MYO5C: variants seen among roughly 807,000 people sequenced by gnomAD.
MYO5C encodes the protein unconventional myosin-Vc.
Under a neutral mutation model 235.7 loss-of-function variants are expected in MYO5C, and 194 were observed. The ratio of observed to expected loss-of-function variants is 0.82; its 90% CI spans 0.73 to 0.93. MYO5C has a LOEUF of 0.93. Ranked by LOEUF, MYO5C falls within the 40% of genes least tolerant of loss-of-function variation. The probability of loss-of-function intolerance (pLI) is 0.00; values close to 1 mark genes in which losing one functional copy is unlikely to be tolerated. For missense variants in MYO5C, 2,038 were observed against 2,127.2 expected (o/e 0.96, Z 0.82); for synonymous variants, 707 against 754.8 (o/e 0.94, Z 1.04).
At chr15:52,269,386 A>ATT (rs71130145) in intron 8 of MYO5C, among the ~76,000 whole-genome samples, 1,663 of 103,278 alleles carry the variant, frequency 0.016, 53 homozygotes, top group East Asian at 0.087. Context: ...CCACCTTTTA[A>ATT]TTTTTTTTTT....
intron 25 of MYO5C, among the ~76,000 whole-genome samples, chr15:52,227,363 T>G (rs1301849611): frequency 7.2e-6 from 1 of 138,812 alleles, no homozygotes; most frequent in African/African-American, 2.6e-5. Flanking sequence ...CCCGGCTAAT[T>G]TTTTTTTTTT....
intron 8 of MYO5C, among the ~76,000 whole-genome samples, chr15:52,268,693 T>A (rs2036860799): frequency 6.6e-6 from 1 of 152,190 alleles, no homozygotes; most frequent in African/African-American, 2.4e-5. Context: ...CACCATCTGG[T>A]AGACAGCCTT....
intron 31 of MYO5C, 31 bp from the exon 32 acceptor site, chr15:52,218,718 C>T (rs1346292826): frequency 1.9e-6 from 3 of 1,610,384 alleles, no homozygotes; most frequent in Non-Finnish European, 1.7e-6. Context: ...TGGCTGGTAT[C>T]AGTATGACGG....
intron 9 of MYO5C, among the ~76,000 whole-genome samples, chr15:52,262,680 G>A (rs1001691143): frequency 3.9e-5 from 6 of 152,162 alleles, no homozygotes; most frequent in African/African-American, 1.4e-4. Context: ...CATGGCAAAA[G>A]GCCTAAAACG....
In MYO5C at chr15:52,223,543, C is replaced by A. The variant is rs774584883; in HGVS notation, c.3627+1G>T. On this transcript the variant is annotated splice_donor_variant, in intron 29 of 40. Coordinates refer to ENST00000261839, the MANE Select transcript of MYO5C (RefSeq NM_018728.4). LOFTEE classifies it high-confidence loss of function. ...ACTGGGGCCCCTGGCTGAGACCATACCATGTTCTCTGATGTTAGCCTGGTA... is the reference window on the plus strand; with the variant it reads ...ACTGGGGCCCCTGGCTGAGACCATAACATGTTCTCTGATGTTAGCCTGGTA... The A allele has an allele frequency of 1.9e-6, 3 of 1,613,022 alleles. No homozygotes were observed. In the Admixed American group the frequency reaches 5.0e-5, roughly 27 times the overall value.
chr15:52,235,779 G>T lies in MYO5C; in HGVS notation c.2869-16C>A, dbSNP rs1392110241. 2 of 1,580,284 alleles carry T rather than the reference G, an allele frequency of 1.3e-6. No homozygotes were observed. The highest frequency in any genetic ancestry group is 1.7e-6 in the Non-Finnish European group (2 of 1,160,158). On this transcript the variant is annotated splice_polypyrimidine_tract_variant and intron_variant, in intron 22 of 40. Transcript: ENST00000261839. ...TTGCCAATTTCTAGCAGAGGGAAGG[G>T]GGAAAAACAAACTTTTTTGAAAACC... is the stretch of plus-strand genomic sequence containing the variant.
rs747628388 is a variant in MYO5C at position 52,205,100 on chromosome 15, T to TCAGGCCGGAAATGCCCTGCAGGCTC, written c.4560_4584dup (p.Lys1529GlufsTer19). On this transcript the variant is annotated frameshift_variant, in exon 38 of 41. Coordinates refer to ENST00000261839, the MANE Select transcript of MYO5C (RefSeq NM_018728.4). LOFTEE classifies it high-confidence loss of function. ...GAGCGCTTCCGGAAGCCTGTGGGCT[T>TCAGGCCGGAAATGCCCTGCAGGCTC]CAGGCCGGAAATGCCCTGCAGGCTC... 1.2e-6 allele frequency: 2 copies of TCAGGCCGGAAATGCCCTGCAGGCTC among 1,614,184 alleles called. No homozygotes were observed. The highest frequency in any genetic ancestry group is 4.5e-5 in the East Asian group (2 of 44,876).
chr15:52,213,406 A>G (rs1015345878), intron 33 of MYO5C, 120 bp from the exon 34 acceptor site: 2 of 688,000 alleles, frequency 2.9e-6, no homozygotes, highest in African/African-American at 1.8e-5. Flanking sequence ...TGGCTTTCAG[A>G]TACATTAAAA....
chr15:52,286,530 C>A (rs1336604482), intron 1 of MYO5C, among the ~76,000 whole-genome samples: 2 of 152,076 alleles, frequency 1.3e-5, no homozygotes, highest in African/African-American at 4.8e-5. Flanking sequence ...ATTGAGAAAT[C>A]GGATGGTTGC....
intron 2 of MYO5C, among the ~76,000 whole-genome samples, chr15:52,281,103 T>C (rs1316869268): frequency 6.6e-6 from 1 of 152,252 alleles, no homozygotes. Flanking sequence ...ACTTTCCTTG[T>C]CTCTGTTTTT....
intron 19 of MYO5C, chr15:52,243,491 C>G (rs532424088): frequency 6.6e-6 from 1 of 152,462 alleles, no homozygotes; most frequent in Admixed American, 6.5e-5. Flanking sequence ...GAGGGCAAGC[C>G]AGCCCAGCTG....
At position 52,197,698 on chromosome 15, in the gene MYO5C, C is replaced by T. The variant is rs116477782; in HGVS notation, c.4821-1215G>A. Among the ~76,000 whole-genome samples, 455 of 152,282 alleles carry T rather than the reference C, an allele frequency of 3.0e-3. 5 individuals carry two copies. The highest frequency in any genetic ancestry group is 0.01 in the African/African-American group (435 of 41,560). ...CCAGGCGGGAGTACAGTGGCCCAATCTCATGAGGCTCACTGCAACTTCCAC... is the reference window on the plus strand; with the variant it reads ...CCAGGCGGGAGTACAGTGGCCCAATTTCATGAGGCTCACTGCAACTTCCAC... On this transcript the variant is annotated intron_variant, in intron 38 of 40. Transcript: ENST00000261839.
In MYO5C at chr15:52,221,156, A is replaced by C; in HGVS notation, c.3721+6T>G. The C allele has an allele frequency of 6.2e-7, 1 of 1,606,586 alleles. No individual in the cohort carries two copies. The highest frequency in any genetic ancestry group is 2.2e-5 in the East Asian group (1 of 44,836). The stretch of plus-strand genomic sequence containing the variant: ...CTAAAAGCAGGTTAATGAGGGTTTC[A>C]GTTACCTTTCATTTTCTCAGCTTGT... On this transcript the variant is annotated splice_donor_region_variant and intron_variant, in intron 30 of 40. Coordinates refer to ENST00000261839, the MANE Select transcript of MYO5C (RefSeq NM_018728.4).
intron 36 of MYO5C, 23 bp downstream of exon 36, chr15:52,208,531 A>G (rs775157950): frequency 1.9e-6 from 3 of 1,610,552 alleles, no homozygotes; most frequent in Non-Finnish European, 2.5e-6. Context: ...GCACAAAACA[A>G]CAAGCAGGTG....
intron 8 of MYO5C, among the ~76,000 whole-genome samples, chr15:52,267,874 T>C (rs2140837771): frequency 6.6e-6 from 1 of 152,210 alleles, no homozygotes; most frequent in South Asian, 2.1e-4. Flanking sequence ...GCAGGGCATA[T>C]CCTTCAGCCC....
chr15:52,254,210 G>A (rs943896504), intron 11 of MYO5C, among the ~76,000 whole-genome samples: 1 of 152,208 alleles, frequency 6.6e-6, no homozygotes, highest in Non-Finnish European at 1.5e-5. Context: ...CCTTTTTCTA[G>A]GAGCAGTGAG....
chr15:52,279,074 T>TA, intron 3 of MYO5C, 57 bp from the exon 4 acceptor site: 1 of 1,003,248 alleles, frequency 1.0e-6, no homozygotes, highest in East Asian at 3.4e-5. Flanking sequence ...GCATCTCCAG[T>TA]TTTTTTTTTT....
intron 32 of MYO5C, among the ~76,000 whole-genome samples, chr15:52,216,528 T>C (rs74580520): frequency 0.019 from 2,953 of 152,278 alleles, 102 homozygotes; most frequent in African/African-American, 0.069. Context: ...CTCTGTTAAT[T>C]TGACAGGCAA....
intron 16 of MYO5C, 88 bp downstream of exon 16, chr15:52,246,829 T>A: frequency 1.9e-6 from 2 of 1,047,522 alleles, no homozygotes; most frequent in Non-Finnish European, 2.9e-6. Flanking sequence ...AACAGGGTAA[T>A]CTCAAGACAA....
Sources: allele counts gnomAD v4.1 joint callset (sites outside exome capture counted in the v4.1 genomes callset), GRCh38; gene constraint gnomAD v4.1.1; transcripts MANE v1.5; gene names NCBI Gene and HGNC (gene_info 2026-07-23, HGNC 2026-07-21).